Variants in KCNH7 observed in about 807,000 individuals in gnomAD.
KCNH7 encodes voltage-gated inwardly rectifying potassium channel KCNH7.
A neutral mutation model predicts 120.8 loss-of-function variants in KCNH7; 49 were observed. That is an observed-to-expected ratio of 0.41 (90% confidence interval 0.32 to 0.51). The LOEUF is 0.51. Ranked by LOEUF, KCNH7 falls within the 20% of genes least tolerant of loss-of-function variation. The pLI is 0.38. For missense variants in KCNH7, 1,097 were observed against 1,446.6 expected, an observed-to-expected ratio of 0.76 and a Z score of 3.92; for synonymous variants, 547 against 516.1, an observed-to-expected ratio of 1.06 and a Z score of -0.81.
rs183696295 is a variant in KCNH7 at position 162,486,815 on chromosome 2, G to A, written c.1128+17628C>T. Among the ~76,000 whole-genome samples, 655 of 152,166 alleles carry A rather than the reference G, an allele frequency of 4.3e-3. 2 individuals are homozygous for A. The highest frequency in any genetic ancestry group is 6.3e-3 in the Non-Finnish European group (429 of 68,016). On this transcript the variant is annotated intron_variant, in intron 6 of 15. Transcript: ENST00000332142. ...AACAAACAAACATAATTAAAAATGG[G>A]TTCTGTCATGAAAAAAGTTTGAGAT... is the stretch of plus-strand genomic sequence containing the variant.
At chr2:162,389,113 T>C (rs1686666091) in intron 12 of KCNH7, among the ~76,000 whole-genome samples, 2 of 152,010 alleles carry the variant, frequency 1.3e-5, no homozygotes, top group Non-Finnish European at 2.9e-5. Flanking sequence ...GTTTGAATGT[T>C]TCACTCTGGT....
At chr2:162,419,176 C>T (rs1687626272) in intron 9 of KCNH7, among the ~76,000 whole-genome samples, 1 of 151,172 alleles carries the variant, frequency 6.6e-6, no homozygotes, top group South Asian at 2.1e-4. Context: ...TACCTATCCC[C>T]TATCCACCCA....
chr2:162,603,018 C>A (rs1159401553), intron 2 of KCNH7, among the ~76,000 whole-genome samples: 2 of 150,906 alleles, frequency 1.3e-5, no homozygotes, highest in Non-Finnish European at 2.9e-5. Flanking sequence ...GCAGGGACTA[C>A]ACAGGGTTGG....
intron 2 of KCNH7, among the ~76,000 whole-genome samples, chr2:162,641,979 A>G (rs113308837): frequency 2.4e-4 from 37 of 152,272 alleles, no homozygotes; most frequent in African/African-American, 7.9e-4. Flanking sequence ...TGGAGCCCCA[A>G]TGGTTATTTT....
intron 2 of KCNH7, among the ~76,000 whole-genome samples, chr2:162,617,502 A>T (rs1242218191): frequency 6.6e-6 from 1 of 152,032 alleles, no homozygotes; most frequent in African/African-American, 2.4e-5. Context: ...AAAAAAAAAT[A>T]GAATTTAGAA....
intron 2 of KCNH7, among the ~76,000 whole-genome samples, chr2:162,677,960 A>T (rs1230292304): frequency 1.3e-5 from 2 of 151,372 alleles, no homozygotes; most frequent in African/African-American, 4.8e-5. Flanking sequence ...TTTCCTGCTC[A>T]TTTTTTTCTA....
intron 2 of KCNH7, among the ~76,000 whole-genome samples, chr2:162,710,321 T>C (rs962450161): frequency 5.3e-5 from 8 of 152,308 alleles, no homozygotes; most frequent in African/African-American, 1.9e-4. Context: ...AACATGCATG[T>C]ATAATAAAAT....
intron 2 of KCNH7, among the ~76,000 whole-genome samples, chr2:162,628,814 C>T (rs181453195): frequency 3.5e-4 from 53 of 152,112 alleles, no homozygotes; most frequent in Admixed American, 6.6e-5. Context: ...TAGTATTCCA[C>T]GGTGTATGTG....
chr2:162,507,999 G>A (rs972379654), intron 5 of KCNH7, among the ~76,000 whole-genome samples: 1 of 151,528 alleles, frequency 6.6e-6, no homozygotes, highest in Non-Finnish European at 1.5e-5. Context: ...ATGTTTTCTA[G>A]TGAAGTTATA....
At chr2:162,461,019 C>T (rs1474602401) in intron 6 of KCNH7, among the ~76,000 whole-genome samples, 3 of 152,122 alleles carry the variant, frequency 2.0e-5, no homozygotes, top group Admixed American at 6.5e-5. Context: ...TTAATAAAGT[C>T]CTCATCACTT....
chr2:162,738,263 C>T (rs1468597550), intron 2 of KCNH7, among the ~76,000 whole-genome samples: 1 of 151,946 alleles, frequency 6.6e-6, no homozygotes, highest in Non-Finnish European at 1.5e-5. Flanking sequence ...CATGAATGTC[C>T]TGTTACTCCT....
chr2:162,510,699 G>A (rs527602298), intron 5 of KCNH7, among the ~76,000 whole-genome samples: 1 of 151,850 alleles, frequency 6.6e-6, no homozygotes, highest in South Asian at 2.1e-4. Flanking sequence ...ACAAAGCAGT[G>A]TAGAAACCTG....
chr2:162,820,033 CTT>C (rs66809770), intron 2 of KCNH7, among the ~76,000 whole-genome samples: 1,477 of 77,038 alleles, frequency 0.019, 5 homozygotes, highest in Non-Finnish European at 0.025. Context: ...ATTCCATAAA[CTT>C]TTTTTTTTTT....
intron 2 of KCNH7, among the ~76,000 whole-genome samples, chr2:162,644,056 G>C (rs1213831258): frequency 6.6e-6 from 1 of 151,924 alleles, no homozygotes; most frequent in Non-Finnish European, 1.5e-5. Flanking sequence ...TCTGTGGTAT[G>C]TTTCTTTCTT....
chr2:162,587,533 AT>A (rs1439614415), intron 2 of KCNH7, among the ~76,000 whole-genome samples: 1 of 152,112 alleles, frequency 6.6e-6, no homozygotes, highest in Admixed American at 6.6e-5. Flanking sequence ...TTTTAAAAAA[AT>A]ATAAGATAGC....
At chr2:162,506,873 T>C (rs1690900770) in intron 5 of KCNH7, among the ~76,000 whole-genome samples, 1 of 151,836 alleles carries the variant, frequency 6.6e-6, no homozygotes, top group Non-Finnish European at 1.5e-5. Context: ...GGGGGCATTT[T>C]TTGTTGTCAC....
intron 6 of KCNH7, among the ~76,000 whole-genome samples, chr2:162,490,815 G>A (rs1018501484): frequency 6.6e-6 from 1 of 152,144 alleles, no homozygotes; most frequent in Non-Finnish European, 1.5e-5. Context: ...ATGATGTTAA[G>A]GGTGCTGCTG....
chr2:162,470,973 T>C (rs1020324402), intron 6 of KCNH7, among the ~76,000 whole-genome samples: 1 of 152,170 alleles, frequency 6.6e-6, no homozygotes, highest in South Asian at 2.1e-4. Flanking sequence ...CTGAAACATG[T>C]GCTGTGTCCA....
intron 2 of KCNH7, among the ~76,000 whole-genome samples, chr2:162,619,511 A>G (rs1471862964): frequency 6.6e-6 from 1 of 151,936 alleles, no homozygotes; most frequent in African/African-American, 2.4e-5. Flanking sequence ...CTCTCCCTCT[A>G]GAAAATCTTC....
Sources: allele counts gnomAD v4.1 joint callset (sites outside exome capture counted in the v4.1 genomes callset), GRCh38; gene constraint gnomAD v4.1.1; transcripts MANE v1.5; gene names NCBI Gene and HGNC (gene_info 2026-07-23, HGNC 2026-07-21).